The following PDGFB variants were observed in gnomAD, a reference collection of about 807,000 sequenced individuals.
The protein encoded by PDGFB is platelet-derived growth factor subunit B.
A neutral mutation model predicts 29.0 loss-of-function variants in PDGFB; 6 were observed. The observed-to-expected ratio is 0.21, with a 90% confidence interval of 0.11 to 0.41. The LOEUF is 0.41. Among genes scored for constraint, PDGFB ranks in the 10% least tolerant of loss-of-function variants. The pLI, the probability that PDGFB is intolerant of heterozygous loss-of-function variation, is 1.00. For synonymous variants in PDGFB, 144 were observed against 140.8 expected, an observed-to-expected ratio of 1.02 and a Z score of -0.16; for missense variants, 299 against 341.8, an observed-to-expected ratio of 0.87 and a Z score of 0.99.
rs1008610380 is a variant in PDGFB, at chr22:39,242,670, C to A, written c.63+1231G>T. Reference sequence around the variant, plus strand: ...GCTCCTCCGTGGTCAAAACAACCTGCGCTGGCGGCAGCCCAAGGCCGGGCC... The same window carrying A: ...GCTCCTCCGTGGTCAAAACAACCTGAGCTGGCGGCAGCCCAAGGCCGGGCC... On this transcript the variant is annotated intron_variant, in intron 1 of 6. Coordinates refer to ENST00000331163, the MANE Select transcript of PDGFB (RefSeq NM_002608.4). This position sits in a 1 kb window ranked among gnomAD's most constrained non-coding sequence, Gnocchi z 5.7. 1.3e-5 allele frequency among the ~76,000 whole-genome samples: 2 copies of A among 151,860 alleles called. No individual in the cohort carries two copies. Among genetic ancestry groups the A allele is most frequent in the African/African-American group, 4.8e-5 (2 of 41,370 alleles).
chr22:39,234,617 G>A (rs1455411312), intron 2 of PDGFB, among the ~76,000 whole-genome samples: 4 of 152,186 alleles, frequency 2.6e-5, no homozygotes, highest in Non-Finnish European at 1.5e-5. Flanking sequence ...CAGCCCCTAC[G>A]TCAACGAGCC....
intron 1 of PDGFB, among the ~76,000 whole-genome samples, chr22:39,239,160 T>C (rs757465608): frequency 6.6e-6 from 1 of 152,206 alleles, no homozygotes; most frequent in Non-Finnish European, 1.5e-5. Context: ...GAGTTGTCAC[T>C]GTCATCATCA....
At chr22:39,241,331 T>C (rs1490094401) in intron 1 of PDGFB, among the ~76,000 whole-genome samples, 3 of 152,218 alleles carry the variant, frequency 2.0e-5, no homozygotes, top group African/African-American at 7.2e-5. Context: ...AGGCCTGCCC[T>C]GACTCTCCCA....
intron 3 of PDGFB, 96 bp downstream of exon 3, chr22:39,233,339 G>T: frequency 1.2e-6 from 1 of 813,592 alleles, no homozygotes. Context: ...GTTGTAAGAG[G>T]ACCCTCGGGG....
chr22:39,241,222 C>T (rs1601603082), intron 1 of PDGFB: 1 of 460,452 alleles, frequency 2.2e-6, no homozygotes, highest in Non-Finnish European at 4.0e-6. Context: ...CCTCGGCAGG[C>T]CCTCCACCCA....
intron 1 of PDGFB, among the ~76,000 whole-genome samples, chr22:39,241,624 T>G (rs182862908): frequency 1.3e-5 from 2 of 152,276 alleles, no homozygotes; most frequent in African/African-American, 4.8e-5. Context: ...CTGGAAATGG[T>G]AAGGGGAGGC....
chr22:39,234,707 C>T (rs113862501), intron 2 of PDGFB, among the ~76,000 whole-genome samples: 3 of 152,190 alleles, frequency 2.0e-5, no homozygotes, highest in Non-Finnish European at 2.9e-5. Flanking sequence ...GGAAAAGATG[C>T]GCTTTGTGGA....
At chr22:39,236,689 TC>T (rs1021569222) in intron 1 of PDGFB, among the ~76,000 whole-genome samples, 4 of 151,594 alleles carry the variant, frequency 2.6e-5, no homozygotes, top group Non-Finnish European at 5.9e-5. Context: ...CACAGCCACG[TC>T]CCCCACAGTC....
At chr22:39,227,629 G>A (rs1434110858) in intron 5 of PDGFB, among the ~76,000 whole-genome samples, 2 of 152,204 alleles carry the variant, frequency 1.3e-5, no homozygotes, top group African/African-American at 4.8e-5. Flanking sequence ...TCTGCCTCTA[G>A]AGTGCACACC....
chr22:39,244,556 G>T lies in PDGFB; in HGVS notation c.-593C>A, dbSNP rs577585221. 1.0e-3 allele frequency: 162 copies of T among 159,800 alleles called. 1 individual carries two copies. The highest frequency in any genetic ancestry group is 3.1e-3 in the African/African-American group (128 of 41,582). The allele number at this position is 159,800 out of a possible 1,614,324, so 9.9% of individuals were successfully genotyped here. Reference sequence around the variant, plus strand: ...GCAAACTCCCGCCCGGGCCGGGTAGGGGGGCGGGAGCGTGTGCGCCCTGGC... The same window carrying T: ...GCAAACTCCCGCCCGGGCCGGGTAGTGGGGCGGGAGCGTGTGCGCCCTGGC... On this transcript the variant is annotated 5_prime_UTR_variant, in exon 1 of 7. Transcript: ENST00000331163. This position sits in a 1 kb window ranked among gnomAD's most constrained non-coding sequence, Gnocchi z 4.5.
chr22:39,232,106 A>G (rs1014975044), intron 3 of PDGFB, among the ~76,000 whole-genome samples: 1 of 152,224 alleles, frequency 6.6e-6, no homozygotes, highest in Non-Finnish European at 1.5e-5. Context: ...GGCATGTTGT[A>G]AATGCTTAGT....
intron 3 of PDGFB, 27 bp downstream of exon 3, chr22:39,233,408 G>T: frequency 6.5e-7 from 1 of 1,546,186 alleles, no homozygotes; most frequent in South Asian, 1.2e-5. Context: ...TAATTTGAAG[G>T]ACCCTTGTTG....
At chr22:39,239,326 C>T (rs942454411) in intron 1 of PDGFB, among the ~76,000 whole-genome samples, 1 of 152,044 alleles carries the variant, frequency 6.6e-6, no homozygotes, top group African/African-American at 2.4e-5. Flanking sequence ...TTGTGCTGGG[C>T]CACAGGAAAT....
intron 1 of PDGFB, among the ~76,000 whole-genome samples, chr22:39,236,965 A>C (rs955366174): frequency 7.2e-5 from 11 of 152,166 alleles, no homozygotes; most frequent in Admixed American, 5.9e-4. Flanking sequence ...CCTTGGGTTA[A>C]ACTATTTTCT....
At chr22:39,239,838 C>T (rs1454617031) in intron 1 of PDGFB, among the ~76,000 whole-genome samples, 1 of 144,732 alleles carries the variant, frequency 6.9e-6, no homozygotes, top group African/African-American at 2.5e-5. Flanking sequence ...GAACCCCACC[C>T]TCCTCCTGGG....
At chr22:39,232,954 C>G (rs1051449810) in intron 3 of PDGFB, among the ~76,000 whole-genome samples, 1 of 152,172 alleles carries the variant, frequency 6.6e-6, no homozygotes, top group Non-Finnish European at 1.5e-5. Context: ...TGCAAGGGAG[C>G]AGGAGGAAGT....
intron 2 of PDGFB, among the ~76,000 whole-genome samples, chr22:39,234,922 C>CCGGGTT (rs1874610969): frequency 1.3e-5 from 2 of 152,054 alleles, no homozygotes; most frequent in South Asian, 4.1e-4. Context: ...GCCAGTCGGG[C>CCGGGTT]ATAGGGTGGG....
rs530716370 is a variant in PDGFB, at chr22:39,225,871, C to T, written c.602-24G>A. ...GGCTGCACAAGAAAAAGAAAGACCT[C>T]GTCAGCATGTGGACCATTGGGGAGG... is the stretch of plus-strand genomic sequence containing the variant. On this transcript the variant is annotated intron_variant, in intron 5 of 6. Transcript: ENST00000331163. 70 of 1,603,954 alleles carry T rather than the reference C, an allele frequency of 4.4e-5. No individual in the cohort carries two copies. In the Admixed American group the frequency reaches 7.7e-4, roughly 18 times the overall value.
intron 4 of PDGFB, 133 bp from the exon 5 acceptor site, chr22:39,230,361 TG>T: frequency 2.4e-6 from 2 of 848,344 alleles, no homozygotes; most frequent in Non-Finnish European, 3.8e-6. Context: ...GAGCAGGCTG[TG>T]GGGCAAAAGC....
Sources: allele counts gnomAD v4.1 joint callset (sites outside exome capture counted in the v4.1 genomes callset), GRCh38; gene constraint gnomAD v4.1.1; non-coding constraint Gnocchi (gnomAD v3.1); transcripts MANE v1.5; gene names NCBI Gene and HGNC (gene_info 2026-07-23, HGNC 2026-07-21).